The following LRWD1 variants were observed in gnomAD, a reference collection of about 807,000 sequenced individuals.
LRWD1 encodes leucine rich repeats and WD repeat domain containing 1, also known as leucine-rich repeat and WD repeat-containing protein 1.
A neutral mutation model predicts 75.6 loss-of-function variants in LRWD1; 76 were observed. That is an observed-to-expected ratio of 1.01 (90% CI 0.84 to 1.22). The LOEUF (loss-of-function observed/expected upper bound fraction) is 1.22. Among genes scored for constraint, LRWD1 ranks in the 50% most tolerant of loss-of-function variants. The probability of loss-of-function intolerance (pLI) is 0.00; values close to 1 mark genes in which losing one functional copy is unlikely to be tolerated. For synonymous variants in LRWD1, 487 were observed against 377.0 expected (o/e 1.29, Z -3.38); for missense variants, 917 against 862.0 (o/e 1.06, Z -0.80).
chr7:102,469,986 G>C, intron 11 of LRWD1, 104 bp downstream of exon 11: 20 of 1,380,116 alleles, frequency 1.4e-5, no homozygotes, highest in Non-Finnish European at 1.7e-5. Context: ...TAACCATAAG[G>C]GTTGTTTTTA....
intron 9 of LRWD1, among the ~76,000 whole-genome samples, chr7:102,469,294 C>G (rs1275924807): frequency 6.6e-6 from 1 of 152,156 alleles, no homozygotes; most frequent in Non-Finnish European, 1.5e-5. Context: ...ACTCTGTCCC[C>G]TGTCAGTGAC....
intron 11 of LRWD1, 71 bp from the exon 12 acceptor site, chr7:102,472,147 A>G (rs762972478): frequency 2.6e-5 from 36 of 1,394,500 alleles, no homozygotes; most frequent in Non-Finnish European, 3.1e-5. Context: ...GGTGCGCTGC[A>G]GATGCCTGGG....
chr7:102,465,766 T>C (rs777263469), intron 1 of LRWD1, 51 bp from the exon 2 acceptor site: 1 of 1,381,704 alleles, frequency 7.2e-7, no homozygotes, highest in South Asian at 1.2e-5. Flanking sequence ...GGCAGATTGG[T>C]GTAGGGTGCA....
chr7:102,470,494 CAG>C (rs1251522747), intron 11 of LRWD1: 1 of 152,422 alleles, frequency 6.6e-6, no homozygotes, highest in Non-Finnish European at 1.5e-5. Flanking sequence ...GTGGGGGCCT[CAG>C]GGGACTCTGC....
intron 3 of LRWD1, 105 bp downstream of exon 3, chr7:102,466,375 C>T: frequency 1.2e-6 from 1 of 867,426 alleles, no homozygotes; most frequent in Non-Finnish European, 1.9e-6. Context: ...CTGATAGAGG[C>T]TCTTTGCCCC....
In LRWD1 at chr7:102,468,045, C is replaced by T. The variant is rs1337739340; in HGVS notation, c.679-17C>T. 1.9e-6 allele frequency: 3 copies of T among 1,603,354 alleles called. No homozygotes were observed. Among genetic ancestry groups the T allele is most frequent in the Non-Finnish European group, 2.5e-6 (3 of 1,178,096 alleles). On this transcript the variant is annotated splice_polypyrimidine_tract_variant and intron_variant, in intron 5 of 14. Transcript: ENST00000292616. The stretch of plus-strand genomic sequence containing the variant: ...CCCCAGGCAGACAGGCCCATGGTCA[C>T]AAGGCCCCCTCCACAGGCCAGACTG...
intron 9 of LRWD1, 83 bp from the exon 10 acceptor site, chr7:102,469,491 G>T: frequency 6.5e-7 from 1 of 1,530,470 alleles, no homozygotes; most frequent in East Asian, 2.3e-5. Flanking sequence ...CCTTGGGACC[G>T]TGGGCTCAGC....
chr7:102,472,739 TACG>T lies in LRWD1; in HGVS notation c.1742_1744del (p.Asp581del), dbSNP rs760156309. On this transcript the variant is annotated inframe_deletion, in exon 14 of 15. Transcript: ENST00000292616. ...GGATGAGGAGGGCAACGTGTGGCTCTACGACGTCAGCAACATCCTGAAGCAGCC... is the reference window on the plus strand; with the variant it reads ...GGATGAGGAGGGCAACGTGTGGCTCTACGTCAGCAACATCCTGAAGCAGCC... 4 of 1,613,516 alleles carry T rather than the reference TACG, an allele frequency of 2.5e-6. No homozygotes were observed. The highest frequency in any genetic ancestry group is 3.3e-5 in the Admixed American group (2 of 60,018).
Position 102,468,551 on chromosome 7 carries a change from CAG to C in LRWD1, c.920-2_920-1del, listed in dbSNP as rs780476282. The C allele has an allele frequency of 3.1e-5, 49 of 1,565,140 alleles. No individual in the cohort carries two copies. The highest frequency in any genetic ancestry group is 1.7e-4 in the Middle Eastern group (1 of 6,002). On this transcript the variant is annotated splice_acceptor_variant, in intron 7 of 14. Coordinates refer to ENST00000292616, the MANE Select transcript of LRWD1 (RefSeq NM_152892.3). LOFTEE classifies it high-confidence loss of function. ...ATCCGACCTCTCAAAACCGGGCACT[CAG>C]GGGCCACATCCCAGACCGTGGCCAC... is the stretch of plus-strand genomic sequence containing the variant.
chr7:102,466,948 T>C (rs939227202), intron 3 of LRWD1, among the ~76,000 whole-genome samples: 15 of 151,534 alleles, frequency 9.9e-5, no homozygotes, highest in Non-Finnish European at 2.1e-4. Flanking sequence ...GTCTGGATCA[T>C]TTTAAAATTT....
chr7:102,466,450 C>T (rs1327786834), intron 3 of LRWD1, among the ~76,000 whole-genome samples, 180 bp downstream of exon 3: 1 of 152,024 alleles, frequency 6.6e-6, no homozygotes, highest in African/African-American at 2.4e-5. Context: ...AGTCTCACTC[C>T]GTCGCCCAGG....
intron 7 of LRWD1, 54 bp from the exon 8 acceptor site, chr7:102,468,500 G>A (rs1444034296): frequency 1.7e-5 from 27 of 1,546,794 alleles, no homozygotes; most frequent in Non-Finnish European, 2.4e-5. Flanking sequence ...CTGCAGGGAG[G>A]ACCTAGATGG....
intron 3 of LRWD1, among the ~76,000 whole-genome samples, chr7:102,467,003 T>C (rs1373525806): frequency 6.6e-6 from 1 of 151,720 alleles, no homozygotes; most frequent in African/African-American, 2.4e-5. Context: ...CTCCAACTCC[T>C]GGCCTCAAGC....
Position 102,472,218 on chromosome 7 carries a change from G to A in LRWD1, c.1443G>A (p.Arg481=). 3 of 1,589,258 alleles carry A rather than the reference G, an allele frequency of 1.9e-6. No homozygotes were observed. Among genetic ancestry groups the A allele is most frequent in the Non-Finnish European group, 2.6e-6 (3 of 1,166,018 alleles). The change falls in exon 12 of 15, where the codon AGG becomes AGA. Residue 481 remains arginine (R), a splice_region_variant and synonymous_variant. Coordinates refer to ENST00000292616, the MANE Select transcript of LRWD1 (RefSeq NM_152892.3). ...ACTAGCATCTCGTGCTGCCCCACAG[G>A]GTGTGTGAAGTGGAATTCGTCTTCT... ...DVRLDQPQKR[R]VCEVEFVFSE...
In LRWD1 at chr7:102,465,063, G is replaced by T; in HGVS notation, c.-18G>T. On this transcript the variant is annotated 5_prime_UTR_variant, in exon 1 of 15. Coordinates refer to ENST00000292616, the MANE Select transcript of LRWD1 (RefSeq NM_152892.3). Reference sequence around the variant, plus strand: ...CCGGGGTGGCCGACTGGGTCAGCGCGGGCTGCGCCTCCTCGCCATGGGCCC... The same window carrying T: ...CCGGGGTGGCCGACTGGGTCAGCGCTGGCTGCGCCTCCTCGCCATGGGCCC... 6.8e-7 allele frequency: 1 copy of T among 1,476,924 alleles called. No homozygotes were observed. The allele number at this position is 1,476,924 out of a possible 1,614,324, so 91.5% of individuals were successfully genotyped here.
chr7:102,467,206 G>T (rs866438144), intron 3 of LRWD1, 133 bp from the exon 4 acceptor site: 24 of 745,618 alleles, frequency 3.2e-5, no homozygotes, highest in Middle Eastern at 7.6e-4. Flanking sequence ...GTGTGTGTGT[G>T]TGTGTGTGTT....
At chr7:102,465,489 CTTTTTTTTTTTTTTTTTTTTTTTT>C in intron 1 of LRWD1, 1 of 72,438 alleles carries the variant, frequency 1.4e-5, no homozygotes. Flanking sequence ...GTAGTTGCAG[CTTTTTTTTTTTTTTTTTTTTTTTT>C]TTTTTTTTTT....
At chr7:102,467,979 G>A (rs769856832) in intron 5 of LRWD1, 83 bp from the exon 6 acceptor site, 1,114 of 1,550,412 alleles carry the variant, frequency 7.2e-4, no homozygotes, top group Admixed American at 1.3e-3. Context: ...TCCTGCATCC[G>A]CAGTGAGGTG....
chr7:102,465,301 G>T, intron 1 of LRWD1, 141 bp downstream of exon 1: 3 of 894,252 alleles, frequency 3.4e-6, no homozygotes, highest in Non-Finnish European at 3.1e-6. Context: ...TTCTTGTTGG[G>T]AGATCGTGGC....
Sources: gnomAD v4.1 joint callset for allele counts (sites outside exome capture counted in the v4.1 genomes callset) on GRCh38, gnomAD v4.1.1 for gene constraint, MANE v1.5 for transcripts, NCBI Gene and HGNC (gene_info 2026-07-23, HGNC 2026-07-21) for gene names.